Variants in LYRM7 observed in about 807,000 individuals in gnomAD.
LYRM7 encodes the protein LYR motif containing 7.
Under a neutral mutation model 15.8 loss-of-function variants are expected in LYRM7, and 9 were observed. The observed-to-expected ratio is 0.57, with a 90% CI of 0.34 to 0.99. The LOEUF (loss-of-function observed/expected upper bound fraction) is 0.99, where lower values mean the gene tolerates loss of function less well. LYRM7 is among the 50% of genes least tolerant of loss of function. The pLI, the probability that LYRM7 is intolerant of heterozygous loss-of-function variation, is 0.02. For missense variants in LYRM7, 115 were observed against 119.1 expected (o/e 0.97, Z 0.16); for synonymous variants, 39 against 39.4 (o/e 0.99, Z 0.04).
Position 131,205,090 on chromosome 5 carries a change from T to C in LYRM7, c.*5489T>C, listed in dbSNP as rs1338487098. On this transcript the variant is annotated 3_prime_UTR_variant, in exon 5 of 5. Transcript: ENST00000379380. Reference sequence around the variant, plus strand: ...CCTAATTCCCACATTTGATAGTTGTTACATTTTGCCATGTTTGTTTAAAGG... The same window carrying C: ...CCTAATTCCCACATTTGATAGTTGTCACATTTTGCCATGTTTGTTTAAAGG... 6.6e-6 allele frequency: 1 copy of C among 152,354 alleles called. No homozygotes were observed. The highest frequency in any genetic ancestry group is 1.5e-5 in the Non-Finnish European group (1 of 68,016). 9.4% of individuals were successfully genotyped at this position (152,354 alleles called of 1,614,324 possible).
At chr5:131,195,232 G>A (rs1755944687) in intron 4 of LYRM7, among the ~76,000 whole-genome samples, 1 of 152,118 alleles carries the variant, frequency 6.6e-6, no homozygotes, top group Non-Finnish European at 1.5e-5. Context: ...CACAGCCACT[G>A]CACTCCAGCC....
intron 1 of LYRM7, among the ~76,000 whole-genome samples, chr5:131,173,368 GT>G (rs1194360888): frequency 6.6e-6 from 1 of 152,182 alleles, no homozygotes; most frequent in Non-Finnish European, 1.5e-5. Flanking sequence ...AGTAATACAA[GT>G]TTTTTGGTCC....
In LYRM7 at chr5:131,179,707, G is replaced by A. The variant is rs556355197; in HGVS notation, c.19-388G>A. ...TCCTAGCACTTTGGGAGGCCAAGGCGGGTGGATCACCTGAGGTCAGGAGCT... is the reference window on the plus strand; with the variant it reads ...TCCTAGCACTTTGGGAGGCCAAGGCAGGTGGATCACCTGAGGTCAGGAGCT... On this transcript the variant is annotated intron_variant, in intron 1 of 4. Transcript: ENST00000379380. Among the ~76,000 whole-genome samples the A allele has an allele frequency of 8.6e-5, 13 of 152,032 alleles. No homozygotes were observed. In the South Asian group the frequency reaches 1.5e-3, roughly 17 times the overall value.
chr5:131,187,450 A>G (rs114866446), intron 4 of LYRM7, among the ~76,000 whole-genome samples: 2 of 151,564 alleles, frequency 1.3e-5, no homozygotes, highest in Non-Finnish European at 2.9e-5. Flanking sequence ...CTTTTACTCT[A>G]TAATGAGTTT....
intron 1 of LYRM7, 35 bp downstream of exon 1, chr5:131,171,073 G>A: frequency 6.6e-7 from 1 of 1,503,808 alleles, no homozygotes; most frequent in Non-Finnish European, 8.8e-7. Flanking sequence ...GTACGATGCC[G>A]TCGGGGAGGG....
chr5:131,179,449 T>C (rs1441778470), intron 1 of LYRM7, among the ~76,000 whole-genome samples: 13 of 146,298 alleles, frequency 8.9e-5, no homozygotes, highest in Non-Finnish European at 1.8e-4. Context: ...TTTTTCTTTT[T>C]CTTTTCTTTT....
chr5:131,185,584 A>G (rs879343876), intron 3 of LYRM7, among the ~76,000 whole-genome samples: 4 of 152,246 alleles, frequency 2.6e-5, no homozygotes, highest in Non-Finnish European at 5.9e-5. Context: ...GACATAGTTC[A>G]TTACATATTT....
chr5:131,175,500 G>A (rs980377146), intron 1 of LYRM7, among the ~76,000 whole-genome samples: 1 of 151,834 alleles, frequency 6.6e-6, no homozygotes, highest in Non-Finnish European at 1.5e-5. Flanking sequence ...GAGCAACCAC[G>A]CTCGGCCTTT....
At chr5:131,184,531 A>G (rs1451653965) in intron 3 of LYRM7, among the ~76,000 whole-genome samples, 2 of 151,712 alleles carry the variant, frequency 1.3e-5, no homozygotes, top group African/African-American at 4.8e-5. Flanking sequence ...ACGCCTTGAC[A>G]TGAGGTAATT....
chr5:131,191,315 A>G (rs1755882954), intron 4 of LYRM7, among the ~76,000 whole-genome samples: 1 of 152,172 alleles, frequency 6.6e-6, no homozygotes, highest in Admixed American at 6.5e-5. Flanking sequence ...CGTAGAAATG[A>G]CAAGAATAAA....
chr5:131,195,929 A>G (rs1755955728), intron 4 of LYRM7, among the ~76,000 whole-genome samples: 1 of 152,086 alleles, frequency 6.6e-6, no homozygotes, highest in African/African-American at 2.4e-5. Flanking sequence ...GCTCAGCAGG[A>G]CCTAATGGAA....
At chr5:131,181,495 T>TATATAAA (rs1755713683) in intron 2 of LYRM7, among the ~76,000 whole-genome samples, 1 of 141,028 alleles carries the variant, frequency 7.1e-6, no homozygotes, top group Non-Finnish European at 1.5e-5. Flanking sequence ...TATGTATATA[T>TATATAAA]ACACACACAC....
At chr5:131,185,495 C>T (rs1231673061) in intron 3 of LYRM7, among the ~76,000 whole-genome samples, 1 of 152,208 alleles carries the variant, frequency 6.6e-6, no homozygotes, top group African/African-American at 2.4e-5. Context: ...ATTTTTTACC[C>T]ATGCATGATT....
chr5:131,188,129 C>A (rs1755826765), intron 4 of LYRM7, among the ~76,000 whole-genome samples: 2 of 151,930 alleles, frequency 1.3e-5, no homozygotes, highest in African/African-American at 4.8e-5. Context: ...CAGTGGTGCA[C>A]ACCTGTAATT....
At chr5:131,184,678 C>G (rs978069084) in intron 3 of LYRM7, among the ~76,000 whole-genome samples, 1 of 151,708 alleles carries the variant, frequency 6.6e-6, no homozygotes, top group Admixed American at 6.6e-5. Flanking sequence ...ACCACCTCCT[C>G]CTCATCTTCT....
At chr5:131,179,087 T>C (rs1421343549) in intron 1 of LYRM7, among the ~76,000 whole-genome samples, 1 of 152,088 alleles carries the variant, frequency 6.6e-6, no homozygotes, top group Non-Finnish European at 1.5e-5. Flanking sequence ...GTGTGTATGA[T>C]ATTGAGCAGA....
At chr5:131,199,494 G>A in intron 4 of LYRM7, 37 bp from the exon 5 acceptor site, 2 of 1,398,596 alleles carry the variant, frequency 1.4e-6, no homozygotes. Flanking sequence ...TCTAATTTTA[G>A]TGATGTTAAT....
At chr5:131,172,187 G>C (rs1475956486) in intron 1 of LYRM7, among the ~76,000 whole-genome samples, 2 of 152,232 alleles carry the variant, frequency 1.3e-5, no homozygotes, top group South Asian at 4.1e-4. Flanking sequence ...ACCGAGGCGA[G>C]AGGATCACAT....
At chr5:131,173,533 C>T (rs568383904) in intron 1 of LYRM7, among the ~76,000 whole-genome samples, 1 of 152,154 alleles carries the variant, frequency 6.6e-6, no homozygotes, top group Non-Finnish European at 1.5e-5. Flanking sequence ...ATCACAAGGT[C>T]AAGAGTTCGA....
Sources: gnomAD v4.1 joint callset for allele counts (sites outside exome capture counted in the v4.1 genomes callset) on GRCh38, gnomAD v4.1.1 for gene constraint, MANE v1.5 for transcripts, NCBI Gene and HGNC (gene_info 2026-07-23, HGNC 2026-07-21) for gene names.